The following SRGAP3 variants were observed in gnomAD, a reference collection of about 807,000 sequenced individuals.
SRGAP3 encodes the protein SLIT-ROBO Rho GTPase-activating protein 3.
Under a neutral mutation model 121.1 loss-of-function variants are expected in SRGAP3, and 39 were observed. The ratio of observed to expected loss-of-function variants is 0.32; its 90% CI spans 0.25 to 0.42. SRGAP3 has a LOEUF of 0.42. Among genes scored for constraint, SRGAP3 ranks in the 10% least tolerant of loss-of-function variants. The pLI is 1.00. For missense variants in SRGAP3, 1,213 were observed against 1,470.6 expected (o/e 0.82, Z 2.86); for synonymous variants, 601 against 570.0 (o/e 1.05, Z -0.77).
intron 1 of SRGAP3, among the ~76,000 whole-genome samples, chr3:9,353,998 C>G (rs2030344883): frequency 1.3e-5 from 2 of 152,230 alleles, no homozygotes; most frequent in South Asian, 4.1e-4. Flanking sequence ...TGCGGGGGAT[C>G]AAGAGATGCT....
At chr3:8,990,419 A>G in intron 21 of SRGAP3, 93 bp downstream of exon 21, 1 of 1,486,120 alleles carries the variant, frequency 6.7e-7, no homozygotes, top group Admixed American at 2.0e-5. Context: ...TGAGCCTGGC[A>G]TAAAGGCCAA....
At chr3:9,028,216 T>G in intron 12 of SRGAP3, 2 of 1,575,890 alleles carry the variant, frequency 1.3e-6, no homozygotes, top group Non-Finnish European at 8.7e-7. Flanking sequence ...AAGCAGATCC[T>G]TCAGAGTCCG....
intron 1 of SRGAP3, among the ~76,000 whole-genome samples, chr3:9,234,095 G>T (rs926896374): frequency 5.9e-5 from 9 of 152,140 alleles, no homozygotes; most frequent in African/African-American, 1.9e-4. Context: ...GGAGGATCAG[G>T]CCAAGGATGG....
At chr3:9,014,297 C>T in intron 15 of SRGAP3, 1 of 215,342 alleles carries the variant, frequency 4.6e-6, no homozygotes, top group Non-Finnish European at 9.6e-6. Context: ...ATGAAGTAAG[C>T]AGGTTTAAGC....
At chr3:9,224,360 T>C (rs1453936423) in intron 1 of SRGAP3, among the ~76,000 whole-genome samples, 1 of 152,114 alleles carries the variant, frequency 6.6e-6, no homozygotes, top group Non-Finnish European at 1.5e-5. Flanking sequence ...GGGAGGAAAG[T>C]GTGAAGGGAG....
At chr3:9,211,968 T>C (rs936869248) in intron 1 of SRGAP3, among the ~76,000 whole-genome samples, 10 of 152,096 alleles carry the variant, frequency 6.6e-5, no homozygotes, top group African/African-American at 2.2e-4. Flanking sequence ...GAGCCACCAC[T>C]CCCGGCCTCA....
intron 3 of SRGAP3, among the ~76,000 whole-genome samples, chr3:9,255,730 G>C (rs1347327265): frequency 6.6e-6 from 1 of 152,154 alleles, no homozygotes; most frequent in Admixed American, 6.5e-5. Context: ...TCCAGAAAGA[G>C]GAGGTTGGGC....
At chr3:9,009,914 C>G (rs549552334) in intron 18 of SRGAP3, among the ~76,000 whole-genome samples, 2 of 152,340 alleles carry the variant, frequency 1.3e-5, no homozygotes, top group East Asian at 3.9e-4. Context: ...ACGTCTTGTT[C>G]ATCCCTGTGC....
chr3:9,060,744 G>GT (rs34124172), intron 5 of SRGAP3, among the ~76,000 whole-genome samples: 63 of 151,118 alleles, frequency 4.2e-4, no homozygotes, highest in East Asian at 1.2e-3. Flanking sequence ...CGGCCCAGTG[G>GT]TTTTTTTTTT....
At chr3:9,216,642 G>C (rs1032825468) in intron 1 of SRGAP3, 2 of 152,608 alleles carry the variant, frequency 1.3e-5, no homozygotes, top group Non-Finnish European at 2.9e-5. Context: ...CCACGTAGAG[G>C]ACAGGCTCCG....
intron 3 of SRGAP3, among the ~76,000 whole-genome samples, chr3:9,294,830 A>T (rs566539268): frequency 6.6e-6 from 1 of 151,498 alleles, no homozygotes; most frequent in African/African-American, 2.4e-5. Flanking sequence ...TCTTTATTTG[A>T]TGACCTGCTT....
intron 3 of SRGAP3, among the ~76,000 whole-genome samples, chr3:9,091,674 C>T (rs980481607): frequency 4.6e-5 from 7 of 152,292 alleles, no homozygotes; most frequent in East Asian, 3.9e-4. Flanking sequence ...CAACAGTTAA[C>T]GGCTCACTCC....
At chr3:9,016,033 C>T (rs1039296918) in intron 14 of SRGAP3, 2 of 422,160 alleles carry the variant, frequency 4.7e-6, no homozygotes, top group Non-Finnish European at 8.7e-6. Context: ...TTTATTGTTG[C>T]TCCACTATTT....
At chr3:9,017,829 T>A (rs1943714952) in intron 14 of SRGAP3, among the ~76,000 whole-genome samples, 1 of 152,230 alleles carries the variant, frequency 6.6e-6, no homozygotes, top group Admixed American at 6.5e-5. Flanking sequence ...TCCATCACCT[T>A]GAATATCTGT....
intron 4 of SRGAP3, among the ~76,000 whole-genome samples, chr3:9,074,790 G>C (rs1436903782): frequency 6.6e-6 from 1 of 152,228 alleles, no homozygotes; most frequent in Non-Finnish European, 1.5e-5. Flanking sequence ...ATCAATCAAG[G>C]CTTGAACAAG....
intron 7 of SRGAP3, 87 bp from the exon 8 acceptor site, chr3:9,056,421 A>C: frequency 7.2e-7 from 1 of 1,380,080 alleles, no homozygotes. Flanking sequence ...TTAACATCCC[A>C]ATCACAGTCC....
Position 9,038,093 on chromosome 3 carries a change from G to A in SRGAP3, c.1409-3C>T, listed in dbSNP as rs1378658336. Reference sequence around the variant, plus strand: ...GGTGCCGCATTCTGCTCTTTCCCCTGCAAAGAAAAGTATACATGAATGTTT... The same window carrying A: ...GGTGCCGCATTCTGCTCTTTCCCCTACAAAGAAAAGTATACATGAATGTTT... On this transcript the variant is annotated splice_polypyrimidine_tract_variant and splice_region_variant and intron_variant, in intron 10 of 21. Transcript: ENST00000383836. The A allele has an allele frequency of 1.2e-6, 2 of 1,613,966 alleles. No individual in the cohort carries two copies. Among genetic ancestry groups the A allele is most frequent in the South Asian group, 1.1e-5 (1 of 91,080 alleles).
At position 8,985,053 on chromosome 3, in the gene SRGAP3, A is replaced by G. The variant is rs1941603011; in HGVS notation, c.*466T>C. On this transcript the variant is annotated 3_prime_UTR_variant, in exon 22 of 22. Transcript: ENST00000383836. This position sits in a 1 kb window ranked among gnomAD's most constrained non-coding sequence, Gnocchi z 5.1. ...AAAGGAGATACTATATACACTTAGT[A>G]TGCGTGTGTCCAGATCTAGTATATG... 4.3e-6 allele frequency: 1 copy of G among 230,976 alleles called. No homozygotes were observed. Among genetic ancestry groups the G allele is most frequent in the African/African-American group, 2.2e-5 (1 of 45,088 alleles). 14.3% of individuals were successfully genotyped at this position (230,976 alleles called of 1,614,324 possible). A position where few individuals can be genotyped will look rare whatever the true frequency, so the allele number is the denominator to read the frequency against.
intron 1 of SRGAP3, among the ~76,000 whole-genome samples, chr3:9,213,488 C>T (rs1952513723): frequency 6.6e-6 from 1 of 152,176 alleles, no homozygotes; most frequent in South Asian, 2.1e-4. Flanking sequence ...AGCTTCACGC[C>T]ACATGCCCTA....
Sources: gnomAD v4.1 joint callset for allele counts (sites outside exome capture counted in the v4.1 genomes callset) on GRCh38, gnomAD v4.1.1 for gene constraint, Gnocchi (gnomAD v3.1) non-coding constraint, MANE v1.5 for transcripts, NCBI Gene and HGNC (gene_info 2026-07-23, HGNC 2026-07-21) for gene names.